Variants in SFXN5 observed in about 807,000 individuals in gnomAD.
SFXN5 encodes the protein sideroflexin-5.
In SFXN5, 43 loss-of-function variants were observed where a neutral mutation model predicts 50.2. The observed-to-expected ratio is 0.86, with a 90% CI of 0.67 to 1.11. The LOEUF (loss-of-function observed/expected upper bound fraction) is 1.11, where lower values mean the gene tolerates loss of function less well. Among genes scored for constraint, SFXN5 ranks in the 50% least tolerant of loss-of-function variants. The pLI is 0.00. For missense variants in SFXN5, 463 were observed against 454.1 expected, an observed-to-expected ratio of 1.02 and a Z score of -0.18; for synonymous variants, 203 against 185.8, an observed-to-expected ratio of 1.09 and a Z score of -0.75.
chr2:72,974,523 ACCTG>A (rs1670393205), intron 10 of SFXN5, among the ~76,000 whole-genome samples: 1 of 152,152 alleles, frequency 6.6e-6, no homozygotes, highest in South Asian at 2.1e-4. Context: ...GAATGATGGT[ACCTG>A]CCCCCTCCCC....
chr2:73,033,777 A>G (rs1678607174), intron 3 of SFXN5, among the ~76,000 whole-genome samples: 1 of 152,218 alleles, frequency 6.6e-6, no homozygotes, highest in Non-Finnish European at 1.5e-5. Context: ...GGAACACTAT[A>G]GTTTCTATTA....
chr2:73,033,150 A>G (rs1678535639), intron 3 of SFXN5, among the ~76,000 whole-genome samples: 1 of 152,214 alleles, frequency 6.6e-6, no homozygotes, highest in African/African-American at 2.4e-5. Context: ...TTGTAATATG[A>G]GGATGTGAAT....
rs927360510 is a variant in SFXN5 at position 72,943,366 on chromosome 2, G to A, written c.*1656C>T. ...CTCCCCTGAGGTGGAGACCCCGGGG[G>A]AGGGAGGCCTGGGGCTGCAGGTGGA... On this transcript the variant is annotated 3_prime_UTR_variant, in exon 14 of 14. Transcript: ENST00000272433. The A allele has an allele frequency of 2.6e-5, 4 of 152,440 alleles. No homozygotes were observed. Among genetic ancestry groups the A allele is most frequent in the Non-Finnish European group, 5.9e-5 (4 of 68,188 alleles). The allele number at this position is 152,440 out of a possible 1,614,324, so 9.4% of individuals were successfully genotyped here.
intron 3 of SFXN5, among the ~76,000 whole-genome samples, chr2:73,034,355 G>T (rs895563465): frequency 2.0e-5 from 3 of 152,182 alleles, no homozygotes; most frequent in African/African-American, 7.2e-5. Context: ...ACCTGCTGAC[G>T]CCCACAGAAG....
Position 72,950,099 on chromosome 2 carries a change from C to T in SFXN5, c.946-5000G>A, listed in dbSNP as rs539933562. Among the ~76,000 whole-genome samples, 1 of 151,430 alleles carries T rather than the reference C, an allele frequency of 6.6e-6. No homozygotes were observed. Among genetic ancestry groups the T allele is most frequent in the Non-Finnish European group, 1.5e-5 (1 of 67,914 alleles). On this transcript the variant is annotated intron_variant, in intron 13 of 13. Coordinates refer to ENST00000272433, the MANE Select transcript of SFXN5 (RefSeq NM_144579.3). This position sits in a 1 kb window ranked among gnomAD's most constrained non-coding sequence, Gnocchi z 4.2. ...CCAGATCCTTCAGAGTGGAGGAGCT[C>T]GCCCAGGGAAGCAGATGGAGGGGTG...
chr2:73,001,511 T>C lies in SFXN5; in HGVS notation c.411+14A>G, dbSNP rs778877263. On this transcript the variant is annotated intron_variant, in intron 7 of 13. Transcript: ENST00000272433. ...CCCTTCCTTCAGGAGCCCTGTTTGCTGCGAGACTGTTACCTGCCAGAAGAC... is the reference window on the plus strand; with the variant it reads ...CCCTTCCTTCAGGAGCCCTGTTTGCCGCGAGACTGTTACCTGCCAGAAGAC... 1.2e-6 allele frequency: 2 copies of C among 1,614,114 alleles called. No individual in the cohort carries two copies. The highest frequency in any genetic ancestry group is 1.7e-6 in the Non-Finnish European group (2 of 1,179,990).
chr2:73,071,653 GCGCTAGCGGCACTAGC>G lies in SFXN5; in HGVS notation c.37_52del (p.Ala13ProfsTer103). The G allele has an allele frequency of 1.9e-6, 3 of 1,613,474 alleles. No individual in the cohort carries two copies. Among genetic ancestry groups the G allele is most frequent in the Non-Finnish European group, 2.5e-6 (3 of 1,179,882 alleles). On this transcript the variant is annotated frameshift_variant, in exon 1 of 14. Coordinates refer to ENST00000272433, the MANE Select transcript of SFXN5 (RefSeq NM_144579.3). LOFTEE classifies it high-confidence loss of function. The stretch of plus-strand genomic sequence containing the variant: ...TTGGAAAGGAGGTGCATCGCTCGAG[GCGCTAGCGGCACTAGC>G]CGCCGCCGCCGATGCTGTAGTCGCT...
rs1462627893 is a variant in SFXN5, at chr2:72,971,297, C to T, written c.741+273G>A. On this transcript the variant is annotated intron_variant, in intron 11 of 13. Coordinates refer to ENST00000272433, the MANE Select transcript of SFXN5 (RefSeq NM_144579.3). ...CCTCTGCCCTCACCAATTAACACCT[C>T]CTCTGGGTGAGACAAGCAAGAAGCT... Among the ~76,000 whole-genome samples the T allele has an allele frequency of 5.9e-5, 9 of 152,134 alleles. No homozygotes were observed. The East Asian group carries it at 1.7e-3, about 29-fold the overall frequency.
chr2:72,957,477 A>G (rs1224939083), intron 13 of SFXN5, among the ~76,000 whole-genome samples: 1 of 152,250 alleles, frequency 6.6e-6, no homozygotes, highest in South Asian at 2.1e-4. Context: ...TGGAAACTCC[A>G]CAACAATCAC....
At chr2:73,002,941 T>A (rs2105706799) in intron 6 of SFXN5, among the ~76,000 whole-genome samples, 1 of 152,336 alleles carries the variant, frequency 6.6e-6, no homozygotes, top group Middle Eastern at 3.4e-3. Context: ...TCTTAAACTA[T>A]GAAAGTGAAG....
At chr2:73,063,945 C>A (rs1405651900) in intron 1 of SFXN5, among the ~76,000 whole-genome samples, 3 of 152,194 alleles carry the variant, frequency 2.0e-5, no homozygotes, top group African/African-American at 2.4e-5. Context: ...CCCAATCGCA[C>A]AATCGGTGGA....
chr2:72,980,191 T>C (rs984213425), intron 10 of SFXN5, among the ~76,000 whole-genome samples: 1 of 151,334 alleles, frequency 6.6e-6, no homozygotes, highest in Admixed American at 6.6e-5. Context: ...ACACAGTCAA[T>C]GATTCAAATG....
chr2:72,972,245 A>G (rs1386686260), intron 10 of SFXN5, among the ~76,000 whole-genome samples: 3 of 152,236 alleles, frequency 2.0e-5, no homozygotes. Flanking sequence ...TATGGATGGA[A>G]GACTGAGGCT....
intron 3 of SFXN5, among the ~76,000 whole-genome samples, chr2:73,029,102 G>A (rs1318954765): frequency 6.6e-6 from 1 of 152,200 alleles, no homozygotes; most frequent in Non-Finnish European, 1.5e-5. Context: ...GGGTGGAAAT[G>A]ACGTTCGCCA....
intron 2 of SFXN5, among the ~76,000 whole-genome samples, chr2:73,047,313 G>A (rs1410120323): frequency 2.5e-5 from 2 of 79,042 alleles, no homozygotes; most frequent in Non-Finnish European, 4.9e-5. Flanking sequence ...ATATATGTGT[G>A]TGTATGTATA....
chr2:73,065,276 T>G (rs1272421243), intron 1 of SFXN5, among the ~76,000 whole-genome samples: 1 of 152,088 alleles, frequency 6.6e-6, no homozygotes, highest in African/African-American at 2.4e-5. Flanking sequence ...AGTTTTTCAA[T>G]TTTTTGTAGA....
intron 2 of SFXN5, among the ~76,000 whole-genome samples, chr2:73,041,337 G>GGAGGAAAGGGCCAAGAC (rs1679598623): frequency 6.6e-6 from 1 of 152,212 alleles, no homozygotes; most frequent in Non-Finnish European, 1.5e-5. Context: ...CCTCAGGATA[G>GGAGGAAAGGGCCAAGAC]GAGGAAAGGG....
intron 6 of SFXN5, chr2:73,019,299 T>C (rs1676536839): frequency 6.6e-6 from 1 of 152,176 alleles, no homozygotes; most frequent in South Asian, 2.1e-4. Flanking sequence ...ATGTGAGGTT[T>C]CTGAGATGCT....
intron 3 of SFXN5, among the ~76,000 whole-genome samples, chr2:73,035,302 T>G (rs1336461959): frequency 3.3e-5 from 5 of 152,062 alleles, no homozygotes; most frequent in Non-Finnish European, 5.9e-5. Flanking sequence ...CAGATCAGAG[T>G]CAACATTCAG....
Sources: allele counts gnomAD v4.1 joint callset (sites outside exome capture counted in the v4.1 genomes callset), GRCh38; gene constraint gnomAD v4.1.1; non-coding constraint Gnocchi (gnomAD v3.1); transcripts MANE v1.5; gene names NCBI Gene and HGNC (gene_info 2026-07-23, HGNC 2026-07-21).